Variants in RYR1 observed in about 807,000 individuals in gnomAD.
The protein encoded by RYR1 is ryanodine receptor 1.
A neutral mutation model predicts 583.5 loss-of-function variants in RYR1; 342 were observed. That is an observed-to-expected ratio of 0.59 (90% CI 0.54 to 0.64). RYR1 has a LOEUF of 0.64. Among genes scored for constraint, RYR1 ranks in the 30% least tolerant of loss-of-function variants. RYR1 has a pLI of 0.00. For synonymous variants in RYR1, 2,791 were observed against 2,822.5 expected (o/e 0.99, Z 0.35); for missense variants, 6,032 against 6,917.2 (o/e 0.87, Z 4.54).
chr19:38,482,712 A>T (rs937610192), intron 31 of RYR1, among the ~76,000 whole-genome samples: 4 of 151,942 alleles, frequency 2.6e-5, no homozygotes, highest in Admixed American at 6.6e-5. Flanking sequence ...AGCCTCCCAA[A>T]GTTCTAGGAT....
At position 38,525,478 on chromosome 19, in the gene RYR1, G is replaced by A. The variant is rs766572003; in HGVS notation, c.10602G>A (p.Thr3534=). The A allele has an allele frequency of 2.4e-5, 38 of 1,613,746 alleles. No homozygotes were observed. The highest frequency in any genetic ancestry group is 2.0e-4 in the South Asian group (18 of 91,072). Residue 3534 remains threonine, a synonymous_variant, in exon 71 of 106, where the codon ACG becomes ACA. Transcript: ENST00000359596. ...CGCCCACCGACCAAGACCTCATCAC[G>A]CTGGCCAAGACCCGTTACGCCCTGG... ...MCAPTDQDLI[T]LAKTRYALKD... is the part of the protein sequence containing the mutation.
At chr19:38,532,372 C>T in intron 76 of RYR1, 118 bp from the exon 77 acceptor site, 1 of 994,520 alleles carries the variant, frequency 1.0e-6, no homozygotes, top group South Asian at 1.3e-5. Context: ...ATCTGCCTGC[C>T]TCAGCCTCCC....
chr19:38,528,675 C>T lies in RYR1; in HGVS notation c.11014C>T (p.Arg3672Cys), dbSNP rs765145018. ...ILTEDHSFEDRMIDDLSKAGE... is the reference protein window; with the variant it reads ...ILTEDHSFEDCMIDDLSKAGE... ...GACTGAAGACCACAGTTTTGAGGAC[C>T]GCATGATAGATGACCTTTCAGTGAG... Residue 3672 changes from arginine to cysteine, a missense_variant, in exon 75 of 106, where the codon CGC (arginine) becomes TGC (cysteine). Arg to Cys is a radical substitution (Grantham distance 180, BLOSUM62 -3). Coordinates refer to ENST00000359596, the MANE Select transcript of RYR1 (RefSeq NM_000540.3). 1.2e-6 allele frequency: 2 copies of T among 1,613,980 alleles called. No homozygotes were observed. The highest frequency in any genetic ancestry group is 2.7e-5 in the African/African-American group (2 of 74,904).
chr19:38,543,612 C>G lies in RYR1; in HGVS notation c.11859C>G (p.Ala3953=), dbSNP rs1600988105. 6.2e-7 allele frequency: 1 copy of G among 1,614,240 alleles called. No homozygotes were observed. The highest frequency in any genetic ancestry group is 2.2e-5 in the East Asian group (1 of 44,890). The change falls in exon 86 of 106, where the codon GCC becomes GCG. Residue 3953 remains alanine (A), a synonymous_variant. Transcript: ENST00000359596. This position sits in a 1 kb window ranked among gnomAD's most constrained non-coding sequence, Gnocchi z 4.4. Reference sequence around the variant, plus strand: ...AGGGCAAGAGGAACTTCTCCAAAGCCATGTCGGTGGCTAAGCAGGTGTTCA... The same window carrying G: ...AGGGCAAGAGGAACTTCTCCAAAGCGATGTCGGTGGCTAAGCAGGTGTTCA... The part of the protein sequence containing the change: ...EEQGKRNFSK[A]MSVAKQVFNS...
intron 27 of RYR1, 88 bp downstream of exon 27, chr19:38,469,601 C>A: frequency 1.5e-6 from 2 of 1,345,636 alleles, no homozygotes; most frequent in Non-Finnish European, 1.1e-6. Flanking sequence ...TCTTTTCCCT[C>A]CATGTTAGGA....
rs1021329750 is a variant in RYR1 at position 38,512,947 on chromosome 19, G to C, written c.9472+464G>C. ...GCTATGATCATACCACTGCACTCCA[G>C]CCTGGACAACAGAGCAAAATTCTGT... On this transcript the variant is annotated intron_variant, in intron 63 of 105. Coordinates refer to ENST00000359596, the MANE Select transcript of RYR1 (RefSeq NM_000540.3). This position sits in a 1 kb window ranked among gnomAD's most constrained non-coding sequence, Gnocchi z 5.1. 6.6e-6 allele frequency among the ~76,000 whole-genome samples: 1 copy of C among 152,188 alleles called. No individual in the cohort carries two copies.
In RYR1 at chr19:38,496,550, C is replaced by T. The variant is rs763585200; in HGVS notation, c.6796+9C>T. Reference sequence around the variant, plus strand: ...CAGTGGCATCGGCCTGGGTGAGAACCCCCGAGCCCAGGGGCTGTCCCCCAG... The same window carrying T: ...CAGTGGCATCGGCCTGGGTGAGAACTCCCGAGCCCAGGGGCTGTCCCCCAG... On this transcript the variant is annotated intron_variant, in intron 41 of 105. Transcript: ENST00000359596. This position sits in a 1 kb window ranked among gnomAD's most constrained non-coding sequence, Gnocchi z 4.8. 12 of 1,613,048 alleles carry T rather than the reference C, an allele frequency of 7.4e-6. No individual in the cohort carries two copies. The highest frequency in any genetic ancestry group is 1.7e-4 in the Middle Eastern group (1 of 6,058).
At position 38,464,097 on chromosome 19, in the gene RYR1, C is replaced by T. The variant is rs111370077; in HGVS notation, c.2786+247C>T. Among the ~76,000 whole-genome samples the T allele has an allele frequency of 4.9e-3, 737 of 151,630 alleles. 6 individuals are homozygous for T. Among genetic ancestry groups the T allele is most frequent in the African/African-American group, 0.016 (659 of 41,304 alleles). On this transcript the variant is annotated intron_variant, in intron 22 of 105. Transcript: ENST00000359596. ...TTCGAGACCAGTCTGGCCAACATGG[C>T]AAAACCCCGTCTCTACTAAAAATAC... is the stretch of plus-strand genomic sequence containing the variant.
chr19:38,504,425 C>T (rs1274299397), intron 50 of RYR1, 65 bp downstream of exon 50: 4 of 1,584,354 alleles, frequency 2.5e-6, no homozygotes, highest in Non-Finnish European at 2.6e-6. Context: ...ATTGGGGGTC[C>T]AGAGTGAAAT....
At chr19:38,506,005 G>A in intron 54 of RYR1, 59 bp downstream of exon 54, 10 of 1,595,312 alleles carry the variant, frequency 6.3e-6, no homozygotes, top group Non-Finnish European at 8.5e-6. Flanking sequence ...CTAGAACAAG[G>A]GGCATGGCCA....
At chr19:38,529,111 C>A (rs1971617328) in intron 76 of RYR1, 54 bp downstream of exon 76, 16 of 1,574,826 alleles carry the variant, frequency 1.0e-5, no homozygotes, top group Non-Finnish European at 1.3e-5. Flanking sequence ...GGGGCCACCC[C>A]CAGCCCAGCA....
intron 71 of RYR1, 80 bp from the exon 72 acceptor site, chr19:38,526,913 T>C (rs1971490782): frequency 1.8e-5 from 27 of 1,492,898 alleles, no homozygotes; most frequent in Non-Finnish European, 2.1e-5. Flanking sequence ...CCTGGGGTGC[T>C]GGGCCTGGAA....
At chr19:38,526,859 TTC>T in intron 71 of RYR1, 132 bp from the exon 72 acceptor site, 4 of 885,330 alleles carry the variant, frequency 4.5e-6, no homozygotes, top group Non-Finnish European at 5.5e-6. Context: ...ATCCTTTTGT[TTC>T]TCTCAGACCC....
intron 12 of RYR1, 141 bp from the exon 13 acceptor site, chr19:38,452,678 T>A: frequency 2.6e-6 from 2 of 761,698 alleles, no homozygotes; most frequent in Non-Finnish European, 2.1e-6. Flanking sequence ...CTCGGACAAA[T>A]GCTTTTCCCT....
At chr19:38,440,408 G>A (rs986782124) in intron 1 of RYR1, among the ~76,000 whole-genome samples, 1 of 152,128 alleles carries the variant, frequency 6.6e-6, no homozygotes, top group Non-Finnish European at 1.5e-5. Context: ...GTGTGGTGGT[G>A]CACGCTTGTA....
chr19:38,494,791 C>T (rs111849385), intron 39 of RYR1, among the ~76,000 whole-genome samples, 166 bp downstream of exon 39: 9 of 152,084 alleles, frequency 5.9e-5, no homozygotes, highest in African/African-American at 1.7e-4. Flanking sequence ...CTTACCTCTC[C>T]GCCCTCAGTG....
At chr19:38,558,532 A>T (rs1972977338) in intron 89 of RYR1, among the ~76,000 whole-genome samples, 1 of 152,226 alleles carries the variant, frequency 6.6e-6, no homozygotes, top group African/African-American at 2.4e-5. Flanking sequence ...TAATCCTAAC[A>T]CTTTGGGAGG....
In RYR1 at chr19:38,496,428, T is replaced by C. The variant is rs1211321553; in HGVS notation, c.6683T>C (p.Met2228Thr). ...GESKEIRFPK[M>T]VTSCCRFLCY... ...TCCCAGGAGATCCGCTTCCCCAAGATGGTGACAAGCTGCTGCCGCTTCCTC... is the reference window on the plus strand; with the variant it reads ...TCCCAGGAGATCCGCTTCCCCAAGACGGTGACAAGCTGCTGCCGCTTCCTC... The change falls in exon 41 of 106, where the codon ATG (methionine) becomes ACG (threonine). Residue 2228 changes from methionine (M) to threonine (T), a missense_variant. Physicochemically the swap from Met to Thr is moderately conservative, Grantham distance 81. This residue lies in a region of RYR1 where 2,627 missense variants were observed against 2,961.3 expected (regional missense o/e 0.89). Transcript: ENST00000359596. This position sits in a 1 kb window ranked among gnomAD's most constrained non-coding sequence, Gnocchi z 4.8. 1.5e-5 allele frequency: 25 copies of C among 1,613,772 alleles called. No homozygotes were observed. The highest frequency in any genetic ancestry group is 1.9e-5 in the Non-Finnish European group (23 of 1,180,008).
intron 81 of RYR1, chr19:38,535,594 G>A (rs1318353626): frequency 7.8e-6 from 5 of 638,988 alleles, no homozygotes; most frequent in African/African-American, 5.4e-5. Context: ...TGAAGAATGA[G>A]TTGCATTATG....
Sources: gnomAD v4.1 joint callset for allele counts (sites outside exome capture counted in the v4.1 genomes callset) on GRCh38, gnomAD v4.1.1 for gene constraint, gnomAD v4.1.1 regional missense constraint, Gnocchi (gnomAD v3.1) non-coding constraint, MANE v1.5 for transcripts, NCBI Gene and HGNC (gene_info 2026-07-23, HGNC 2026-07-21) for gene names.